Variants in PAN2 observed in about 807,000 individuals in gnomAD.
The protein encoded by PAN2 is PAN2-PAN3 deadenylation complex catalytic subunit PAN2.
PAN2 carries 68 observed loss-of-function variants against 133.3 expected under a neutral mutation model. That is an observed-to-expected ratio of 0.51 (90% CI 0.42 to 0.62). The LOEUF is 0.62. Ranked by LOEUF, PAN2 falls within the 20% of genes least tolerant of loss-of-function variation. The pLI is 0.00. For missense variants in PAN2, 1,042 were observed against 1,500.5 expected, an observed-to-expected ratio of 0.69 and a Z score of 5.05; for synonymous variants, 462 against 544.6, an observed-to-expected ratio of 0.85 and a Z score of 2.11.
At chr12:56,318,944 T>C in intron 24 of PAN2, 144 bp downstream of exon 24, 1 of 714,106 alleles carries the variant, frequency 1.4e-6, no homozygotes, top group Non-Finnish European at 2.4e-6. Context: ...TATGTGGTAT[T>C]TGATTTTCTG....
chr12:56,327,682 C>A (rs745901008), intron 5 of PAN2, 51 bp from the exon 6 acceptor site: 23 of 1,591,162 alleles, frequency 1.4e-5, no homozygotes, highest in Middle Eastern at 1.7e-4. Flanking sequence ...AGGAAAAATA[C>A]CTGCCACCTA....
At position 56,319,614 on chromosome 12, in the gene PAN2, C is replaced by G. The variant is rs770032767; in HGVS notation, c.3090+7G>C. The G allele has an allele frequency of 3.7e-6, 6 of 1,603,974 alleles. No homozygotes were observed. The highest frequency in any genetic ancestry group is 5.1e-6 in the Non-Finnish European group (6 of 1,175,172). Reference sequence around the variant, plus strand: ...TGTGCCTCACTTGCATCTCCATATCCTAATACCTGCTCCTGGGTAGAGATG... The same window carrying G: ...TGTGCCTCACTTGCATCTCCATATCGTAATACCTGCTCCTGGGTAGAGATG... On this transcript the variant is annotated splice_region_variant and intron_variant, in intron 22 of 25. Coordinates refer to ENST00000440411, the MANE Select transcript of PAN2 (RefSeq NM_014871.6). This position sits in a 1 kb window ranked among gnomAD's most constrained non-coding sequence, Gnocchi z 5.4.
chr12:56,327,232 G>A (rs1875223573), intron 6 of PAN2, 132 bp downstream of exon 6: 1 of 1,019,606 alleles, frequency 9.8e-7, no homozygotes, highest in Non-Finnish European at 1.5e-6. Flanking sequence ...CCAAACCCAA[G>A]TAAAACCTTG....
intron 14 of PAN2, 90 bp downstream of exon 14, chr12:56,323,717 G>T: frequency 7.1e-7 from 1 of 1,403,410 alleles, no homozygotes; most frequent in Non-Finnish European, 1.0e-6. Flanking sequence ...TCCCTGGATG[G>T]CAGTGCTGAC....
intron 20 of PAN2, among the ~76,000 whole-genome samples, chr12:56,320,558 C>A (rs375424894): frequency 6.6e-6 from 1 of 150,736 alleles, no homozygotes; most frequent in Non-Finnish European, 1.5e-5. Context: ...GCAGGGGAAT[C>A]GCTTGAACCC....
rs138733367 is a variant in PAN2 at position 56,331,036 on chromosome 12, G to C, written c.282+1777C>G. Among the ~76,000 whole-genome samples the C allele has an allele frequency of 6.5e-3, 982 of 151,620 alleles. 8 individuals are homozygous for C. The highest frequency in any genetic ancestry group is 0.022 in the African/African-American group (921 of 41,330). ...GTTGGTCTTGAATTCCTGACCTCAG[G>C]TGATCCGCCTGCTTCGGCCTCCCAA... On this transcript the variant is annotated intron_variant, in intron 2 of 25. Coordinates refer to ENST00000440411, the MANE Select transcript of PAN2 (RefSeq NM_014871.6).
chr12:56,318,443 A>G lies in PAN2; in HGVS notation c.3365-9T>C. ...CCCTTGAATCTTCAGGTCTGGGGTA[A>G]GTAAAGGTGGAATAGTTTGGGACCC... On this transcript the variant is annotated splice_polypyrimidine_tract_variant and intron_variant, in intron 24 of 25. Transcript: ENST00000440411. 6.2e-7 allele frequency: 1 copy of G among 1,611,150 alleles called. No individual in the cohort carries two copies. Among genetic ancestry groups the G allele is most frequent in the South Asian group, 1.1e-5 (1 of 91,030 alleles).
chr12:56,323,100 G>A lies in PAN2; in HGVS notation c.2455C>T (p.Leu819=), dbSNP rs762290452. ...IRMKMTKNKG[L]DVCNWTDGDE... ...CCATCAGTCCAATTGCAAACATCCAGCCCTTTGTTTTTGGTCATCTTCATG... is the reference window on the plus strand; with the variant it reads ...CCATCAGTCCAATTGCAAACATCCAACCCTTTGTTTTTGGTCATCTTCATG... Residue 819 remains leucine (L), a synonymous_variant, in exon 17 of 26, where the codon CTG becomes TTG. Transcript: ENST00000440411. The A allele has an allele frequency of 6.2e-7, 1 of 1,613,856 alleles. No individual in the cohort carries two copies. Among genetic ancestry groups the A allele is most frequent in the Admixed American group, 1.7e-5 (1 of 59,976 alleles).
chr12:56,327,279 G>C (rs1437274319), intron 6 of PAN2, 85 bp downstream of exon 6: 1 of 1,429,032 alleles, frequency 7.0e-7, no homozygotes, highest in Non-Finnish European at 9.7e-7. Flanking sequence ...CCCCAACAAA[G>C]AGGTTTCAGG....
rs978877142 is a variant in PAN2 at position 56,317,518 on chromosome 12, G to A, written c.*91C>T. ...CTGAGCACGTCCAGTACTGGAAGTG[G>A]ACAAGGTATAGCCAACTTAGGAAGC... On this transcript the variant is annotated 3_prime_UTR_variant, in exon 26 of 26. Transcript: ENST00000440411. The A allele has an allele frequency of 3.7e-5, 40 of 1,072,594 alleles. No individual in the cohort carries two copies. Among genetic ancestry groups the A allele is most frequent in the Admixed American group, 5.4e-5 (3 of 55,586 alleles). The allele number at this position is 1,072,594 out of a possible 1,614,324, so 66.4% of individuals were successfully genotyped here. A position where few individuals can be genotyped will look rare whatever the true frequency, so the allele number is the denominator to read the frequency against.
Position 56,323,602 on chromosome 12 carries a change from A to C in PAN2, c.2173-4T>G. The stretch of plus-strand genomic sequence containing the variant: ...GGCGGATGTTGCGGGTCTGAATCTG[A>C]GAGGAAGAAACAAACAAGGAATGGC... On this transcript the variant is annotated splice_polypyrimidine_tract_variant and splice_region_variant and intron_variant, in intron 14 of 25. Transcript: ENST00000440411. 6.2e-7 allele frequency: 1 copy of C among 1,613,208 alleles called. No individual in the cohort carries two copies. The highest frequency in any genetic ancestry group is 8.5e-7 in the Non-Finnish European group (1 of 1,179,184).
intron 17 of PAN2, 77 bp downstream of exon 17, chr12:56,322,985 C>T: frequency 1.3e-6 from 2 of 1,564,846 alleles, no homozygotes; most frequent in East Asian, 2.2e-5. Flanking sequence ...CTAAGTTTCA[C>T]CTTCCCCTGC....
Position 56,318,437 on chromosome 12 carries a change from G to A in PAN2, c.3365-3C>T. On this transcript the variant is annotated splice_polypyrimidine_tract_variant and splice_region_variant and intron_variant, in intron 24 of 25. Transcript: ENST00000440411. ...GGTTTCCCCTTGAATCTTCAGGTCTGGGGTAAGTAAAGGTGGAATAGTTTG... is the reference window on the plus strand; with the variant it reads ...GGTTTCCCCTTGAATCTTCAGGTCTAGGGTAAGTAAAGGTGGAATAGTTTG... 6.2e-7 allele frequency: 1 copy of A among 1,612,510 alleles called. No homozygotes were observed. The highest frequency in any genetic ancestry group is 8.5e-7 in the Non-Finnish European group (1 of 1,178,566).
intron 6 of PAN2, among the ~76,000 whole-genome samples, 156 bp downstream of exon 6, chr12:56,327,208 G>A (rs1875221485): frequency 6.6e-6 from 1 of 152,112 alleles, no homozygotes; most frequent in South Asian, 2.1e-4. Flanking sequence ...GAAAATAAAA[G>A]CTCTAATCTC....
chr12:56,319,714 G>C lies in PAN2; in HGVS notation c.2997C>G (p.Ser999Arg). 6.2e-7 allele frequency: 1 copy of C among 1,614,004 alleles called. No homozygotes were observed. Among genetic ancestry groups the C allele is most frequent in the Non-Finnish European group, 8.5e-7 (1 of 1,179,936 alleles). The change falls in exon 22 of 26, where the codon AGC becomes AGG. Residue 999 changes from serine (S) to arginine (R), a missense_variant. This residue lies in a region of PAN2 where 49 missense variants were observed against 160.5 expected (regional missense o/e 0.31). Transcript: ENST00000440411. This position sits in a 1 kb window ranked among gnomAD's most constrained non-coding sequence, Gnocchi z 5.4. Reference protein sequence around the residue: ...SDGTKSTIKPSQMSVARITCV... With the variant: ...SDGTKSTIKPRQMSVARITCV... ...AGGTAATCCTGGCTACTGACATCTG[G>C]CTTGGTTTAATGGTAGACTTGGTAC...
At chr12:56,321,434 G>A (rs1874520907) in intron 20 of PAN2, among the ~76,000 whole-genome samples, 1 of 149,270 alleles carries the variant, frequency 6.7e-6, no homozygotes, top group South Asian at 2.1e-4. Context: ...TCACCATGTT[G>A]CCCAAACTGG....
chr12:56,326,454 A>G, intron 7 of PAN2, 45 bp from the exon 8 acceptor site: 1 of 1,543,218 alleles, frequency 6.5e-7, no homozygotes, highest in Non-Finnish European at 8.8e-7. Flanking sequence ...TGTGGTGTAC[A>G]CTGGTCCACT....
chr12:56,324,352 G>A lies in PAN2; in HGVS notation c.1870C>T (p.Leu624=), dbSNP rs1200981386. 6.2e-7 allele frequency: 1 copy of A among 1,614,076 alleles called. No homozygotes were observed. The highest frequency in any genetic ancestry group is 1.3e-5 in the African/African-American group (1 of 74,934). The change falls in exon 12 of 26, where the codon CTG becomes TTG. Residue 624 remains leucine (L), a synonymous_variant. Coordinates refer to ENST00000440411, the MANE Select transcript of PAN2 (RefSeq NM_014871.6). ...TCCAGCTCCTGCATATCTTGATGCAGTTGAGTGAGAATGAAGCGATTCCAC... is the reference window on the plus strand; with the variant it reads ...TCCAGCTCCTGCATATCTTGATGCAATTGAGTGAGAATGAAGCGATTCCAC... ...QRWNRFILTQ[L]HQDMQELEIP...
intron 9 of PAN2, 48 bp from the exon 10 acceptor site, chr12:56,325,176 C>T: frequency 6.3e-7 from 1 of 1,599,882 alleles, no homozygotes. Context: ...TCAGAGTCCC[C>T]AAATCTTTCC....
Sources: allele counts gnomAD v4.1 joint callset (sites outside exome capture counted in the v4.1 genomes callset), GRCh38; gene constraint gnomAD v4.1.1; regional missense constraint gnomAD v4.1.1; non-coding constraint Gnocchi (gnomAD v3.1); transcripts MANE v1.5; gene names NCBI Gene and HGNC (gene_info 2026-07-23, HGNC 2026-07-21).